The following EYS variants were observed in gnomAD, a reference collection of about 807,000 sequenced individuals.
EYS encodes the protein EGF-like photoreceptor maintenance factor, also known as protein eyes shut homolog.
A neutral mutation model predicts 282.1 loss-of-function variants in EYS; 250 were observed. That is an observed-to-expected ratio of 0.89 (90% confidence interval 0.80 to 0.98). The LOEUF (loss-of-function observed/expected upper bound fraction) is 0.98. EYS is among the 50% of genes least tolerant of loss of function. EYS has a pLI of 0.00. For synonymous variants in EYS, 1,355 were observed against 1,282.9 expected (o/e 1.06, Z -1.20); for missense variants, 4,016 against 3,709.0 (o/e 1.08, Z -2.15).
chr6:64,129,406 G>A (rs1017659914), intron 31 of EYS, among the ~76,000 whole-genome samples: 1 of 152,034 alleles, frequency 6.6e-6, no homozygotes, highest in African/African-American at 2.4e-5. Context: ...TTTGTCTTTT[G>A]GCTGCATAAA....
At chr6:63,925,757 C>T (rs190769112) in intron 35 of EYS, among the ~76,000 whole-genome samples, 485 of 152,318 alleles carry the variant, frequency 3.2e-3, no homozygotes, top group Non-Finnish European at 5.2e-3. Flanking sequence ...CATTCTCCTG[C>T]CTCAGCCTCC....
At chr6:65,350,995 T>C (rs1764250746) in intron 9 of EYS, among the ~76,000 whole-genome samples, 1 of 151,684 alleles carries the variant, frequency 6.6e-6, no homozygotes, top group Non-Finnish European at 1.5e-5. Context: ...ATTTTATATT[T>C]CGTGAGGAAG....
intron 5 of EYS, among the ~76,000 whole-genome samples, chr6:65,458,332 AC>A (rs1430024891): frequency 6.6e-6 from 1 of 151,952 alleles, no homozygotes; most frequent in Admixed American, 6.6e-5. Flanking sequence ...TTCTCCACCA[AC>A]CTATGACTTG....
At chr6:64,159,770 C>T (rs947480523) in intron 31 of EYS, among the ~76,000 whole-genome samples, 3 of 151,652 alleles carry the variant, frequency 2.0e-5, no homozygotes, top group East Asian at 1.9e-4. Context: ...CTCTTCTTTC[C>T]GTATTGTGGG....
chr6:64,958,469 C>T (rs1028680792), intron 14 of EYS, among the ~76,000 whole-genome samples: 3 of 151,754 alleles, frequency 2.0e-5, no homozygotes, highest in African/African-American at 7.3e-5. Flanking sequence ...ATCTTCAGGC[C>T]GGGCGCGGTG....
chr6:64,768,268 A>G (rs188275142), intron 22 of EYS, among the ~76,000 whole-genome samples: 210 of 152,292 alleles, frequency 1.4e-3, no homozygotes, highest in African/African-American at 4.8e-3. Flanking sequence ...ATTAAAAATA[A>G]AATAGAACAC....
In EYS at chr6:65,056,249, G is replaced by A. The variant is rs140448407; in HGVS notation, c.2137+1365C>T. Among the ~76,000 whole-genome samples the A allele has an allele frequency of 1.1e-3, 168 of 151,588 alleles. 1 individual carries two copies. Among genetic ancestry groups the A allele is most frequent in the African/African-American group, 3.9e-3 (160 of 41,292 alleles). ...TGTTTAAGTACTTCCACATTTTCTG[G>A]CATTACAATATTATTCATGCTATAT... is the stretch of plus-strand genomic sequence containing the variant. On this transcript the variant is annotated intron_variant, in intron 13 of 42. Coordinates refer to ENST00000503581, the MANE Select transcript of EYS (RefSeq NM_001142800.2).
At chr6:64,009,846 C>G (rs1479741292) in intron 33 of EYS, among the ~76,000 whole-genome samples, 1 of 152,130 alleles carries the variant, frequency 6.6e-6, no homozygotes, top group Non-Finnish European at 1.5e-5. Flanking sequence ...TCTTTCTCAT[C>G]TATATGGGTT....
intron 2 of EYS, among the ~76,000 whole-genome samples, chr6:65,539,709 AAT>A (rs1768093501): frequency 6.6e-6 from 1 of 152,196 alleles, no homozygotes; most frequent in South Asian, 2.1e-4. Context: ...TTTCAATATA[AAT>A]AAATATTACA....
At chr6:64,448,434 G>A (rs1460150205) in intron 26 of EYS, among the ~76,000 whole-genome samples, 1 of 152,224 alleles carries the variant, frequency 6.6e-6, no homozygotes, top group Non-Finnish European at 1.5e-5. Context: ...CTGGGGGCAG[G>A]GCACAGACAA....
intron 12 of EYS, among the ~76,000 whole-genome samples, chr6:65,171,285 A>T (rs1765099881): frequency 6.6e-6 from 1 of 151,510 alleles, no homozygotes; most frequent in African/African-American, 2.4e-5. Flanking sequence ...TTCTTTTTCC[A>T]TGAAAATACA....
intron 19 of EYS, among the ~76,000 whole-genome samples, chr6:64,835,850 G>A (rs541121898): frequency 1.3e-5 from 2 of 151,696 alleles, no homozygotes; most frequent in South Asian, 4.1e-4. Flanking sequence ...GACAATGAGT[G>A]CAGTAACGTG....
intron 33 of EYS, among the ~76,000 whole-genome samples, chr6:64,032,320 A>G (rs1325501070): frequency 2.6e-5 from 4 of 152,184 alleles, no homozygotes; most frequent in East Asian, 1.9e-4. Context: ...GAACCCACCA[A>G]TTCCGGACAC....
intron 35 of EYS, among the ~76,000 whole-genome samples, 174 bp downstream of exon 35, chr6:63,984,209 T>G (rs2149792082): frequency 6.6e-6 from 1 of 151,930 alleles, no homozygotes; most frequent in South Asian, 2.1e-4. Flanking sequence ...TATACATTTC[T>G]TTGGACAAAC....
At chr6:65,656,973 A>C (rs375653482) in intron 1 of EYS, among the ~76,000 whole-genome samples, 1 of 151,842 alleles carries the variant, frequency 6.6e-6, no homozygotes, top group African/African-American at 2.4e-5. Flanking sequence ...CTCATTTACT[A>C]TTTTGAACAT....
At chr6:64,059,038 TC>T (rs1296805075) in intron 33 of EYS, among the ~76,000 whole-genome samples, 1 of 152,190 alleles carries the variant, frequency 6.6e-6, no homozygotes, top group Non-Finnish European at 1.5e-5. Flanking sequence ...GAGCTAAACA[TC>T]CTTTCACCTG....
chr6:63,843,521 G>T (rs149407388), intron 36 of EYS, among the ~76,000 whole-genome samples: 1 of 151,948 alleles, frequency 6.6e-6, no homozygotes, highest in African/African-American at 2.4e-5. Flanking sequence ...CTCAATAGAC[G>T]CAGAAAAGAT....
intron 5 of EYS, among the ~76,000 whole-genome samples, chr6:65,443,065 T>C (rs114492664): frequency 0.029 from 3,171 of 108,106 alleles, 164 homozygotes; most frequent in Middle Eastern, 0.097. Flanking sequence ...TGCATATATG[T>C]GATATGTATG....
intron 41 of EYS, among the ~76,000 whole-genome samples, chr6:63,740,511 T>C (rs1444159107): frequency 2.0e-5 from 3 of 152,244 alleles, no homozygotes; most frequent in African/African-American, 7.2e-5. Flanking sequence ...ACTTTTGTTT[T>C]CAAAACACTT....
Sources: gnomAD v4.1 joint callset for allele counts (sites outside exome capture counted in the v4.1 genomes callset) on GRCh38, gnomAD v4.1.1 for gene constraint, MANE v1.5 for transcripts, NCBI Gene and HGNC (gene_info 2026-07-23, HGNC 2026-07-21) for gene names.